The following SLC12A6 variants were observed in gnomAD, a reference collection of about 807,000 sequenced individuals.
The protein encoded by SLC12A6 is K-Cl cotransporter 3.
Under a neutral mutation model 135.3 loss-of-function variants are expected in SLC12A6, and 66 were observed. The ratio of observed to expected loss-of-function variants is 0.49; its 90% CI spans 0.40 to 0.60. SLC12A6 has a LOEUF of 0.60. Ranked by LOEUF, SLC12A6 falls within the 20% of genes least tolerant of loss-of-function variation. The pLI is 0.00. For missense variants in SLC12A6, 1,058 were observed against 1,452.3 expected (o/e 0.73, Z 4.41); for synonymous variants, 513 against 508.8 (o/e 1.01, Z -0.11).
rs1364008714 is a variant in SLC12A6 at position 34,336,501 on chromosome 15, C to G, written c.180G>C (p.Met60Ile). 1 of 1,613,906 alleles carries G rather than the reference C, an allele frequency of 6.2e-7. No individual in the cohort carries two copies. Among genetic ancestry groups the G allele is most frequent in the Non-Finnish European group, 8.5e-7 (1 of 1,179,842 alleles). ...AAGTGGTGGCCCCAGACATCTCACTCATAGGCTCACTCCGGCTTGTTTCAG... is the reference window on the plus strand; with the variant it reads ...AAGTGGTGGCCCCAGACATCTCACTGATAGGCTCACTCCGGCTTGTTTCAG... ...SVPETSRSEP[M>I]SEMSGATTSL... Residue 60 changes from methionine to isoleucine, a missense_variant, in exon 2 of 26, where the codon ATG becomes ATC. By Grantham distance (10) the Met-to-Ile change is conservative. Transcript: ENST00000354181.
intron 2 of SLC12A6, among the ~76,000 whole-genome samples, chr15:34,299,258 G>C (rs914089468): frequency 6.6e-6 from 1 of 152,088 alleles, no homozygotes; most frequent in African/African-American, 2.4e-5. Context: ...TGGCTTATAG[G>C]GTGAACTCGA....
chr15:34,298,303 C>T (rs977200785), intron 2 of SLC12A6, among the ~76,000 whole-genome samples: 3 of 151,812 alleles, frequency 2.0e-5, no homozygotes, highest in Non-Finnish European at 4.4e-5. Context: ...GGTGAAACCC[C>T]GTTTCTACTA....
At chr15:34,275,451 TA>T (rs1217752337) in intron 2 of SLC12A6, 62 bp from the exon 3 acceptor site, 86 of 941,894 alleles carry the variant, frequency 9.1e-5, no homozygotes, top group Non-Finnish European at 1.3e-4. Flanking sequence ...ATAATTTCTT[TA>T]AAATCAGCAA....
At chr15:34,308,078 A>G (rs1393725679) in intron 2 of SLC12A6, among the ~76,000 whole-genome samples, 2 of 152,200 alleles carry the variant, frequency 1.3e-5, no homozygotes, top group African/African-American at 4.8e-5. Flanking sequence ...CATTTCCATG[A>G]AAATGAAATA....
chr15:34,293,631 G>A (rs913614210), intron 2 of SLC12A6, among the ~76,000 whole-genome samples: 1 of 152,154 alleles, frequency 6.6e-6, no homozygotes, highest in African/African-American at 2.4e-5. Context: ...ACAAAGTCTC[G>A]CTCTGAGGCC....
At chr15:34,262,743 T>C (rs1893235918) in intron 3 of SLC12A6, among the ~76,000 whole-genome samples, 2 of 152,156 alleles carry the variant, frequency 1.3e-5, no homozygotes, top group Non-Finnish European at 2.9e-5. Flanking sequence ...ACATGCCTGG[T>C]CCAGCAGCAA....
chr15:34,302,957 CAAAAAAAAAAAAAAA>C lies in SLC12A6; in HGVS notation c.272-27583_272-27569del, dbSNP rs35647149. 3.1e-3 allele frequency among the ~76,000 whole-genome samples: 259 copies of C among 83,328 alleles called. 4 individuals are homozygous for C. Among genetic ancestry groups the C allele is most frequent in the African/African-American group, 9.1e-3 (249 of 27,324 alleles). 54.7% of individuals were successfully genotyped at this position (83,328 alleles called of 152,430 possible). On this transcript the variant is annotated intron_variant, in intron 2 of 25. Transcript: ENST00000354181. ...AGACGGGAGAAGGGAGACCCTGTCTCAAAAAAAAAAAAAAAAAAAAAAAGATTATGTCATTCTTTG... is the reference window on the plus strand; with the variant it reads ...AGACGGGAGAAGGGAGACCCTGTCTCAAAAAAAAGATTATGTCATTCTTTG...
At position 34,250,647 on chromosome 15, in the gene SLC12A6, C is replaced by T; in HGVS notation, c.1575G>A (p.Leu525=). ...SIPIGTILAI[L]TTSFVYLSNV... ...AAAGGATACAAACAAAGGAGGTGGT[C>T]AGGATGGCAAGGATAGTACCAATCG... Residue 525 remains leucine, a synonymous_variant, in exon 12 of 26, where the codon CTG becomes CTA. Transcript: ENST00000354181. 1.9e-6 allele frequency: 3 copies of T among 1,580,834 alleles called. No homozygotes were observed. The highest frequency in any genetic ancestry group is 1.7e-5 in the Admixed American group (1 of 59,954).
At chr15:34,251,246 T>C (rs1360538236) in intron 10 of SLC12A6, among the ~76,000 whole-genome samples, 189 bp from the exon 11 acceptor site, 1 of 152,104 alleles carries the variant, frequency 6.6e-6, no homozygotes, top group East Asian at 1.9e-4. Flanking sequence ...ACATAGTTTT[T>C]TTTTTGTTTG....
Position 34,229,854 on chromosome 15 carries a change from T to G in SLC12A6, c.*4027A>C, listed in dbSNP as rs761287589. The G allele has an allele frequency of 6.7e-7, 1 of 1,502,240 alleles. No homozygotes were observed. Among genetic ancestry groups the G allele is most frequent in the Non-Finnish European group, 9.3e-7 (1 of 1,078,140 alleles). The allele number at this position is 1,502,240 out of a possible 1,614,324, so 93.1% of individuals were successfully genotyped here. ...TATTTACATCCTTCTTTAAGCCCAG[T>G]GGCTCCTCAGCATACTCTTAAACTA... On this transcript the variant is annotated 3_prime_UTR_variant, in exon 26 of 26. Coordinates refer to ENST00000354181, the MANE Select transcript of SLC12A6 (RefSeq NM_001365088.1).
rs73374491 is a variant in SLC12A6 at position 34,336,895 on chromosome 15, T to A, written c.-72-143A>T. On this transcript the variant is annotated intron_variant, in intron 1 of 25. Transcript: ENST00000354181. The stretch of plus-strand genomic sequence containing the variant: ...GTGCATCACCAATAGGTGAATATAT[T>A]TTTTAAGAGAGAAAAAAACAAAAAA... The A allele has an allele frequency of 0.17, 101,885 of 595,312 alleles. 9,468 individuals carry two copies. Among genetic ancestry groups the A allele is most frequent in the East Asian group, 0.31 (10,835 of 35,430 alleles). The allele number at this position is 595,312 out of a possible 1,614,324, so 36.9% of individuals were successfully genotyped here. A position where few individuals can be genotyped will look rare whatever the true frequency, so the allele number is the denominator to read the frequency against.
At chr15:34,282,210 G>A (rs141201534) in intron 2 of SLC12A6, among the ~76,000 whole-genome samples, 145 of 152,256 alleles carry the variant, frequency 9.5e-4, no homozygotes, top group African/African-American at 3.2e-3. Context: ...GTTTGGGGCA[G>A]GGATTGTAAG....
At chr15:34,306,575 C>T (rs1351829490) in intron 2 of SLC12A6, among the ~76,000 whole-genome samples, 2 of 152,152 alleles carry the variant, frequency 1.3e-5, no homozygotes, top group Non-Finnish European at 2.9e-5. Context: ...GATCCAGGAG[C>T]CACTTCACTC....
rs373700842 is a variant in SLC12A6, at chr15:34,246,802, A to G, written c.1650-935T>C. On this transcript the variant is annotated intron_variant, in intron 13 of 25. Coordinates refer to ENST00000354181, the MANE Select transcript of SLC12A6 (RefSeq NM_001365088.1). ...GCTGGGACCACAAGTGTGTGCTACCATGTCTGACTAATCTTTTACAAAAGT... is the reference window on the plus strand; with the variant it reads ...GCTGGGACCACAAGTGTGTGCTACCGTGTCTGACTAATCTTTTACAAAAGT... Among the ~76,000 whole-genome samples the G allele has an allele frequency of 3.3e-5, 5 of 152,168 alleles. No individual in the cohort carries two copies. The East Asian group carries it at 7.7e-4, about 23-fold the overall frequency.
intron 2 of SLC12A6, among the ~76,000 whole-genome samples, chr15:34,306,482 G>A (rs1196229909): frequency 6.6e-6 from 1 of 152,140 alleles, no homozygotes; most frequent in Non-Finnish European, 1.5e-5. Flanking sequence ...CCAGGCTCTT[G>A]TCTAGAGGAA....
chr15:34,270,692 A>T (rs1372747451), intron 3 of SLC12A6, among the ~76,000 whole-genome samples: 1 of 152,088 alleles, frequency 6.6e-6, no homozygotes, highest in Non-Finnish European at 1.5e-5. Context: ...AATCCCAGCC[A>T]CTTGGGAGGC....
At chr15:34,247,688 C>T (rs1255674046) in intron 13 of SLC12A6, among the ~76,000 whole-genome samples, 1 of 151,366 alleles carries the variant, frequency 6.6e-6, no homozygotes, top group Non-Finnish European at 1.5e-5. Context: ...TTAGTCCTTT[C>T]TTCCTCTCCA....
chr15:34,238,409 G>C lies in SLC12A6; in HGVS notation c.2633-8C>G, dbSNP rs374091513. ...TTGTCACTCGAACTGTGCCTAGGGA[G>C]AAAAAAGAATAAGCAGAGAAGAATC... On this transcript the variant is annotated splice_region_variant and splice_polypyrimidine_tract_variant and intron_variant, in intron 20 of 25. Coordinates refer to ENST00000354181, the MANE Select transcript of SLC12A6 (RefSeq NM_001365088.1). 70 of 1,609,880 alleles carry C rather than the reference G, an allele frequency of 4.3e-5. No homozygotes were observed. Among genetic ancestry groups the C allele is most frequent in the Admixed American group, 8.3e-5 (5 of 59,986 alleles).
chr15:34,310,768 A>C lies in SLC12A6; in HGVS notation c.271+25642T>G, dbSNP rs1227298238. Among the ~76,000 whole-genome samples the C allele has an allele frequency of 2.1e-4, 9 of 42,352 alleles. No individual in the cohort carries two copies. In the South Asian group the frequency reaches 3.2e-3, roughly 15 times the overall value. 27.8% of individuals were successfully genotyped at this position (42,352 alleles called of 152,430 possible). On this transcript the variant is annotated intron_variant, in intron 2 of 25. Transcript: ENST00000354181. Reference sequence around the variant, plus strand: ...AGGCTGGTGTTGAACTCCTGGGCTCAAGTGTGTGTGTGTGTGTGTGTGTGT... The same window carrying C: ...AGGCTGGTGTTGAACTCCTGGGCTCCAGTGTGTGTGTGTGTGTGTGTGTGT...
Sources: gnomAD v4.1 joint callset for allele counts (sites outside exome capture counted in the v4.1 genomes callset) on GRCh38, gnomAD v4.1.1 for gene constraint, MANE v1.5 for transcripts, NCBI Gene and HGNC (gene_info 2026-07-23, HGNC 2026-07-21) for gene names.